Variants in ARHGAP42 observed in about 807,000 individuals in gnomAD.
The protein encoded by ARHGAP42 is Rho GTPase activating protein 42.
Under a neutral mutation model 125.0 loss-of-function variants are expected in ARHGAP42, and 63 were observed. The observed-to-expected ratio is 0.50, with a 90% CI of 0.41 to 0.62. The LOEUF (loss-of-function observed/expected upper bound fraction) is 0.62, where lower values mean the gene tolerates loss of function less well. Among genes scored for constraint, ARHGAP42 ranks in the 20% least tolerant of loss-of-function variants. ARHGAP42 has a pLI of 0.00. For synonymous variants in ARHGAP42, 339 were observed against 351.0 expected (o/e 0.97, Z 0.38); for missense variants, 766 against 1,024.2 (o/e 0.75, Z 3.44).
At chr11:100,880,280 A>G (rs1224229411) in intron 4 of ARHGAP42, among the ~76,000 whole-genome samples, 2 of 152,060 alleles carry the variant, frequency 1.3e-5, no homozygotes, top group Admixed American at 6.6e-5. Flanking sequence ...TAAGTCCCCA[A>G]AGTCCACTGT....
At chr11:100,907,842 AC>A (rs1206645553) in intron 4 of ARHGAP42, among the ~76,000 whole-genome samples, 1 of 152,174 alleles carries the variant, frequency 6.6e-6, no homozygotes, top group African/African-American at 2.4e-5. Flanking sequence ...AGAGCCTAGC[AC>A]CATGATAATT....
rs144673892 is a variant in ARHGAP42 at position 100,859,972 on chromosome 11, G to A, written c.384+347G>A. The A allele has an allele frequency of 5.1e-3, 867 of 170,924 alleles. 12 individuals are homozygous for A. The highest frequency in any genetic ancestry group is 0.019 in the African/African-American group (820 of 42,422). The allele number at this position is 170,924 out of a possible 1,614,324, so 10.6% of individuals were successfully genotyped here. On this transcript the variant is annotated intron_variant, in intron 4 of 23. Transcript: ENST00000298815. The stretch of plus-strand genomic sequence containing the variant: ...TTGAAAATTCAAGCAGTGATTATAT[G>A]AGAACTTTTAATATTCTTTGTATTT...
At chr11:100,777,530 A>G (rs148274695) in intron 2 of ARHGAP42, among the ~76,000 whole-genome samples, 1,918 of 152,312 alleles carry the variant, frequency 0.013, 22 homozygotes, top group Admixed American at 0.03. Flanking sequence ...GAAAGGTAAT[A>G]TTTGATTCTG....
intron 21 of ARHGAP42, among the ~76,000 whole-genome samples, chr11:100,978,486 G>GT (rs1375025591): frequency 6.6e-6 from 1 of 152,026 alleles, no homozygotes; most frequent in Non-Finnish European, 1.5e-5. Context: ...CTACAGATTT[G>GT]TTTATTGGCC....
At position 100,992,849 on chromosome 11, in the gene ARHGAP42, C is replaced by T; in HGVS notation, c.*4048C>T. On this transcript the variant is annotated 3_prime_UTR_variant, in exon 24 of 24. Transcript: ENST00000298815. ...AGAAAATTGATCTGCATGTCCTAGA[C>T]CAATGATTACAAGGTGTCTGTGGTT... 1.2e-6 allele frequency: 1 copy of T among 824,164 alleles called. No individual in the cohort carries two copies. The highest frequency in any genetic ancestry group is 3.2e-5 in the Admixed American group (1 of 30,952). 51.1% of individuals were successfully genotyped at this position (824,164 alleles called of 1,614,324 possible). A position where few individuals can be genotyped will look rare whatever the true frequency, so the allele number is the denominator to read the frequency against.
intron 19 of ARHGAP42, 99 bp from the exon 20 acceptor site, chr11:100,975,958 G>T: frequency 1.5e-6 from 2 of 1,348,782 alleles, no homozygotes; most frequent in Non-Finnish European, 2.0e-6. Flanking sequence ...TCAGGTGGCC[G>T]CAGAACACAT....
chr11:100,738,770 A>T (rs1862118612), intron 1 of ARHGAP42, among the ~76,000 whole-genome samples: 1 of 152,226 alleles, frequency 6.6e-6, no homozygotes, highest in South Asian at 2.1e-4. Flanking sequence ...AACATGTAGA[A>T]ATCTGTTTAT....
intron 4 of ARHGAP42, among the ~76,000 whole-genome samples, chr11:100,896,420 T>A (rs1275355608): frequency 1.3e-5 from 2 of 152,240 alleles, no homozygotes; most frequent in Non-Finnish European, 2.9e-5. Context: ...ATCGTCACAC[T>A]GTCTTCCACA....
intron 2 of ARHGAP42, among the ~76,000 whole-genome samples, chr11:100,776,981 C>CAAA (rs71053146): frequency 3.7e-5 from 4 of 108,870 alleles, no homozygotes; most frequent in Non-Finnish European, 3.8e-5. Flanking sequence ...AACACTGTCT[C>CAAA]AAAAAAAAAA....
intron 3 of ARHGAP42, among the ~76,000 whole-genome samples, chr11:100,850,170 G>A (rs982118554): frequency 2.0e-5 from 3 of 152,150 alleles, no homozygotes; most frequent in African/African-American, 7.2e-5. Flanking sequence ...GTTTGGGGAT[G>A]CAATAGACAG....
chr11:100,757,414 G>C (rs940995731), intron 1 of ARHGAP42, among the ~76,000 whole-genome samples: 2 of 152,148 alleles, frequency 1.3e-5, no homozygotes, highest in African/African-American at 4.8e-5. Flanking sequence ...GGGTTCCAAT[G>C]AGATAAGGGC....
intron 17 of ARHGAP42, among the ~76,000 whole-genome samples, chr11:100,969,892 T>A (rs1858194148): frequency 6.6e-6 from 1 of 152,222 alleles, no homozygotes; most frequent in South Asian, 2.1e-4. Context: ...TACTTTTTGG[T>A]TGAAGACATG....
chr11:100,781,306 C>G (rs548542296), intron 2 of ARHGAP42, among the ~76,000 whole-genome samples: 1 of 149,952 alleles, frequency 6.7e-6, no homozygotes, highest in African/African-American at 2.5e-5. Flanking sequence ...TCTGAATGAT[C>G]GGAAAATGCT....
intron 1 of ARHGAP42, among the ~76,000 whole-genome samples, chr11:100,721,145 TC>T (rs79446649): frequency 0.062 from 9,461 of 152,282 alleles, 411 homozygotes; most frequent in East Asian, 0.21. Flanking sequence ...TGAGGTTCAC[TC>T]TGTGTTCTAC....
At chr11:100,909,309 T>A (rs1284484308) in intron 4 of ARHGAP42, among the ~76,000 whole-genome samples, 2 of 151,440 alleles carry the variant, frequency 1.3e-5, no homozygotes, top group Non-Finnish European at 2.9e-5. Context: ...TAGGCCAGAG[T>A]TTTTCCTAGG....
In ARHGAP42 at chr11:100,976,935, C is replaced by T. The variant is rs1370021436; in HGVS notation, c.2357C>T (p.Thr786Ile). ...PKMCRRLRLD[T>I]ASSNGYQRPG... ...ATGTGCAGGAGATTAAGACTAGACA[C>T]TGCCTCAAGCAATGGCTATCAGCGG... is the stretch of plus-strand genomic sequence containing the variant. The change falls in exon 21 of 24, where the codon ACT becomes ATT. Residue 786 changes from threonine to isoleucine, a missense_variant. Around this residue, in one of 3 missense-constraint regions of ARHGAP42, gnomAD observed 308 missense variants for 369.7 expected, o/e 0.83. Transcript: ENST00000298815. 6.4e-7 allele frequency: 1 copy of T among 1,551,364 alleles called. No homozygotes were observed. Among genetic ancestry groups the T allele is most frequent in the Non-Finnish European group, 8.7e-7 (1 of 1,146,838 alleles).
chr11:100,843,334 A>G (rs1864985169), intron 3 of ARHGAP42, among the ~76,000 whole-genome samples: 1 of 152,046 alleles, frequency 6.6e-6, no homozygotes, highest in Non-Finnish European at 1.5e-5. Context: ...AAAAATTACC[A>G]ACAAAAAAAA....
intron 4 of ARHGAP42, among the ~76,000 whole-genome samples, chr11:100,879,574 T>C (rs1359084884): frequency 6.6e-6 from 1 of 152,202 alleles, no homozygotes; most frequent in African/African-American, 2.4e-5. Flanking sequence ...GGTGGCAAAA[T>C]TGGATGTTGT....
chr11:100,940,112 A>C (rs1200639602), intron 8 of ARHGAP42, among the ~76,000 whole-genome samples: 1 of 152,172 alleles, frequency 6.6e-6, no homozygotes, highest in African/African-American at 2.4e-5. Flanking sequence ...TAATTGTAAT[A>C]ATCTTTTGTG....
Sources: allele counts gnomAD v4.1 joint callset (sites outside exome capture counted in the v4.1 genomes callset), GRCh38; gene constraint gnomAD v4.1.1; regional missense constraint gnomAD v4.1.1; transcripts MANE v1.5; gene names NCBI Gene and HGNC (gene_info 2026-07-23, HGNC 2026-07-21).